THSD7B: variants seen among roughly 807,000 people sequenced by gnomAD.
THSD7B encodes the protein thrombospondin type 1 domain containing 7B.
In THSD7B, 138 loss-of-function variants were observed where a neutral mutation model predicts 213.6. The observed-to-expected ratio is 0.65, with a 90% CI of 0.56 to 0.74. The LOEUF (loss-of-function observed/expected upper bound fraction) is 0.74. Ranked by LOEUF, THSD7B falls within the 30% of genes least tolerant of loss-of-function variation. The probability of loss-of-function intolerance (pLI) is 0.00; values close to 1 mark genes in which losing one functional copy is unlikely to be tolerated. For synonymous variants in THSD7B, 742 were observed against 687.0 expected (o/e 1.08, Z -1.25); for missense variants, 1,931 against 1,991.5 (o/e 0.97, Z 0.58).
intron 15 of THSD7B, among the ~76,000 whole-genome samples, chr2:137,551,701 T>A (rs1038173082): frequency 6.6e-6 from 1 of 152,224 alleles, no homozygotes; most frequent in Non-Finnish European, 1.5e-5. Flanking sequence ...ATATCAAAAT[T>A]GAGAACACAT....
chr2:137,042,242 T>A (rs903756662), intron 2 of THSD7B, among the ~76,000 whole-genome samples: 1 of 152,226 alleles, frequency 6.6e-6, no homozygotes, highest in African/African-American at 2.4e-5. Context: ...GATGGGAAAT[T>A]GGATTTTAAC....
In THSD7B at chr2:137,380,065, G is replaced by A. The variant is rs150313802; in HGVS notation, c.2501-25548G>A. Among the ~76,000 whole-genome samples, 35 of 152,294 alleles carry A rather than the reference G, an allele frequency of 2.3e-4. 1 individual carries two copies. The East Asian group carries it at 4.6e-3, about 20-fold the overall frequency. On this transcript the variant is annotated intron_variant, in intron 12 of 27. Transcript: ENST00000409968. ...TGGAATATGGGAGTGACCCAGGGCT[G>A]CCATTGCTTCTGGTAGACAGTTTAG...
At chr2:137,609,315 T>C (rs935752377) in intron 17 of THSD7B, among the ~76,000 whole-genome samples, 4 of 152,152 alleles carry the variant, frequency 2.6e-5, no homozygotes, top group Non-Finnish European at 5.9e-5. Context: ...AGAAAAAATA[T>C]GTAGGAAGAC....
intron 2 of THSD7B, among the ~76,000 whole-genome samples, chr2:136,899,877 G>A (rs1469422277): frequency 1.3e-5 from 2 of 152,168 alleles, no homozygotes; most frequent in African/African-American, 4.8e-5. Context: ...TGCTTAGCTG[G>A]CAGGTTCAAT....
At chr2:137,472,923 T>C (rs1312215294) in intron 15 of THSD7B, among the ~76,000 whole-genome samples, 8 of 152,288 alleles carry the variant, frequency 5.3e-5, no homozygotes, top group Admixed American at 2.0e-4. Context: ...GCTGGTATGT[T>C]AATACATAGT....
At chr2:137,089,683 G>C (rs1204748088) in intron 3 of THSD7B, among the ~76,000 whole-genome samples, 1 of 151,970 alleles carries the variant, frequency 6.6e-6, no homozygotes, top group African/African-American at 2.4e-5. Context: ...GAGAGTCAGG[G>C]ATAAAAACTA....
rs565587906 is a variant in THSD7B, at chr2:137,081,767, G to T, written c.951-13106G>T. ...GGCTTTTATTGCAGTTTTACCTGAA[G>T]GTAGTCTGTTTTATTTCAATGTCTA... On this transcript the variant is annotated intron_variant, in intron 3 of 27. Coordinates refer to ENST00000409968, the MANE Select transcript of THSD7B (RefSeq NM_001316349.2). Among the ~76,000 whole-genome samples the T allele has an allele frequency of 1.6e-4, 24 of 152,198 alleles. No homozygotes were observed. In the Middle Eastern group the frequency reaches 0.01, roughly 65 times the overall value.
chr2:137,375,940 A>T (rs1685644071), intron 12 of THSD7B, among the ~76,000 whole-genome samples: 1 of 152,242 alleles, frequency 6.6e-6, no homozygotes, highest in South Asian at 2.1e-4. Context: ...ATCTACAAAA[A>T]GGAAATCCTT....
intron 2 of THSD7B, among the ~76,000 whole-genome samples, chr2:136,902,614 G>A (rs183189220): frequency 8.7e-4 from 132 of 152,328 alleles, no homozygotes; most frequent in African/African-American, 3.2e-3. Flanking sequence ...GGAGTGGAGG[G>A]TGGACCTTCG....
chr2:137,228,531 A>G (rs549284589), intron 7 of THSD7B, among the ~76,000 whole-genome samples: 1 of 152,286 alleles, frequency 6.6e-6, no homozygotes, highest in Non-Finnish European at 1.5e-5. Context: ...TTGATGTCAA[A>G]TAACTCCTCC....
intron 10 of THSD7B, among the ~76,000 whole-genome samples, chr2:137,271,787 TGAA>T (rs991234902): frequency 6.6e-6 from 1 of 152,040 alleles, no homozygotes; most frequent in Non-Finnish European, 1.5e-5. Flanking sequence ...ACATAGTAAT[TGAA>T]GTAGTTGCTA....
intron 14 of THSD7B, among the ~76,000 whole-genome samples, chr2:137,429,158 G>T (rs1391539539): frequency 6.6e-6 from 1 of 152,182 alleles, no homozygotes; most frequent in East Asian, 1.9e-4. Flanking sequence ...TGGTTGCTTA[G>T]GACTGGAAGA....
chr2:136,880,141 A>T (rs1317972307), intron 1 of THSD7B, among the ~76,000 whole-genome samples: 2 of 152,162 alleles, frequency 1.3e-5, no homozygotes, highest in African/African-American at 4.8e-5. Flanking sequence ...AGAACTCTCC[A>T]CCTCAAATCA....
intron 15 of THSD7B, among the ~76,000 whole-genome samples, chr2:137,470,360 T>A (rs1573643992): frequency 6.6e-6 from 1 of 152,346 alleles, no homozygotes; most frequent in East Asian, 1.9e-4. Context: ...ATAAACAGAT[T>A]TCTTGTTACA....
At chr2:137,598,643 C>G (rs1204074761) in intron 17 of THSD7B, among the ~76,000 whole-genome samples, 1 of 152,138 alleles carries the variant, frequency 6.6e-6, no homozygotes, top group African/African-American at 2.4e-5. Context: ...TGTAAATGTG[C>G]ATCCCTGAGA....
intron 12 of THSD7B, among the ~76,000 whole-genome samples, chr2:137,354,865 A>C (rs1488012566): frequency 6.6e-6 from 1 of 151,996 alleles, no homozygotes; most frequent in African/African-American, 2.4e-5. Context: ...CATCTAATCA[A>C]AAGGGAATAT....
At chr2:137,264,077 G>T (rs1267831910) in intron 10 of THSD7B, among the ~76,000 whole-genome samples, 1 of 152,158 alleles carries the variant, frequency 6.6e-6, no homozygotes, top group Non-Finnish European at 1.5e-5. Flanking sequence ...ACCTAGGTGA[G>T]TTGCCTACAT....
chr2:137,323,189 G>C (rs539572751), intron 12 of THSD7B, among the ~76,000 whole-genome samples: 1 of 152,178 alleles, frequency 6.6e-6, no homozygotes, highest in Non-Finnish European at 1.5e-5. Flanking sequence ...GAGTTAAAAA[G>C]ATTCTACAAA....
At chr2:137,141,898 A>T (rs1679594482) in intron 5 of THSD7B, among the ~76,000 whole-genome samples, 1 of 152,156 alleles carries the variant, frequency 6.6e-6, no homozygotes, top group Non-Finnish European at 1.5e-5. Context: ...CTAAACATTC[A>T]TGTAGTAGAT....
Sources: allele counts gnomAD v4.1 joint callset (sites outside exome capture counted in the v4.1 genomes callset), GRCh38; gene constraint gnomAD v4.1.1; transcripts MANE v1.5; gene names NCBI Gene and HGNC (gene_info 2026-07-23, HGNC 2026-07-21).